The following TRMT11 variants were observed in gnomAD, a reference collection of about 807,000 sequenced individuals.
TRMT11 encodes tRNA (guanine(10)-N(2))-methyltransferase TRMT11.
In TRMT11, 53 loss-of-function variants were observed where a neutral mutation model predicts 62.8. The ratio of observed to expected loss-of-function variants is 0.84; its 90% CI spans 0.68 to 1.06. The LOEUF (loss-of-function observed/expected upper bound fraction) is 1.06, where lower values mean the gene tolerates loss of function less well. Ranked by LOEUF, TRMT11 falls within the 50% of genes least tolerant of loss-of-function variation. The pLI, the probability that TRMT11 is intolerant of heterozygous loss-of-function variation, is 0.00. For synonymous variants in TRMT11, 188 were observed against 190.3 expected, an observed-to-expected ratio of 0.99 and a Z score of 0.10; for missense variants, 556 against 553.4, an observed-to-expected ratio of 1.00 and a Z score of -0.05.
intron 1 of TRMT11, among the ~76,000 whole-genome samples, chr6:126,181,182 T>G (rs553528333): frequency 1.3e-5 from 2 of 152,310 alleles, no homozygotes; most frequent in Admixed American, 1.3e-4. Flanking sequence ...GCTGTGAGGT[T>G]AAGAATAGAA....
chr6:126,229,798 C>T, the TRMT11 span, among the ~76,000 whole-genome samples: 14 of 152,252 alleles, frequency 9.2e-5, no homozygotes, highest in South Asian at 2.9e-3. Flanking sequence ...GTAAGTTTAA[C>T]CTTCAATCCT....
intron 21 of TRMT11, among the ~76,000 whole-genome samples, chr6:126,137,981 G>A (rs921477815): frequency 2.5e-4 from 38 of 151,966 alleles, no homozygotes; most frequent in Middle Eastern, 3.4e-3. Flanking sequence ...GGTGGAAGAG[G>A]ATAAAGTTGG....
intron 21 of TRMT11, among the ~76,000 whole-genome samples, chr6:126,166,007 G>T (rs1023157728): frequency 2.0e-5 from 3 of 151,812 alleles, no homozygotes; most frequent in African/African-American, 4.8e-5. Flanking sequence ...CTCTAATCTT[G>T]TCTTCATGCT....
At chr6:126,173,330 G>A (rs537063841), upstream of TRMT11, among the ~76,000 whole-genome samples, 111 of 152,226 alleles carry the variant, frequency 7.3e-4, no homozygotes, top group African/African-American at 2.4e-3. Context: ...CATTCTCCCC[G>A]TTTCCACCTT....
chr6:126,013,086 C>T lies in TRMT11; in HGVS notation c.1124C>T (p.Pro375Leu), dbSNP rs368895185. Residue 375 changes from proline (P) to leucine (L), a missense_variant, in exon 11 of 13, where the codon CCG becomes CTG. Transcript: ENST00000334379. Reference sequence around the variant, plus strand: ...GGTGGAAGACTAGTCTATTGGTTACCGGTGTATACGCCAGAGTATGTAATC... The same window carrying T: ...GGTGGAAGACTAGTCTATTGGTTACTGGTGTATACGCCAGAGTATGTAATC... Reference protein sequence around the residue: ...VLGGRLVYWLPVYTPEYTEEM... With the variant: ...VLGGRLVYWLLVYTPEYTEEM... The T allele has an allele frequency of 1.9e-5, 30 of 1,613,156 alleles. No homozygotes were observed. The highest frequency in any genetic ancestry group is 3.3e-4 in the Middle Eastern group (2 of 6,058).
intron 21 of TRMT11, among the ~76,000 whole-genome samples, chr6:126,158,513 G>A (rs1778147685): frequency 6.6e-6 from 1 of 152,188 alleles, no homozygotes; most frequent in Admixed American, 6.5e-5. Flanking sequence ...AATTGTTGAT[G>A]TTTAGTGTCT....
intron 7 of TRMT11, among the ~76,000 whole-genome samples, chr6:126,006,262 A>G (rs1475848277): frequency 2.0e-5 from 3 of 152,020 alleles, no homozygotes; most frequent in African/African-American, 7.2e-5. Flanking sequence ...AAAAAAGATA[A>G]AATAGATGCA....
chr6:126,189,578 G>A (rs191398252), intron 1 of TRMT11, among the ~76,000 whole-genome samples: 39 of 152,212 alleles, frequency 2.6e-4, no homozygotes, highest in African/African-American at 9.4e-4. Flanking sequence ...TAAGGAAAAT[G>A]GAGCACCTCA....
intron 17 of TRMT11, among the ~76,000 whole-genome samples, chr6:126,091,203 C>CAA (rs34621211): frequency 7.6e-5 from 10 of 132,296 alleles, no homozygotes; most frequent in Non-Finnish European, 1.3e-4. Context: ...GACTCCATCT[C>CAA]AAAAAAAAAA....
chr6:126,013,993 A>G (rs1173517126), intron 11 of TRMT11, among the ~76,000 whole-genome samples: 1 of 152,200 alleles, frequency 6.6e-6, no homozygotes, highest in Admixed American at 6.5e-5. Context: ...AATAAATCAA[A>G]AGCTAAGACC....
chr6:126,223,123 T>G, the TRMT11 span, among the ~76,000 whole-genome samples: 2 of 152,210 alleles, frequency 1.3e-5, no homozygotes, highest in African/African-American at 4.8e-5. Context: ...GGAATTTCTT[T>G]TCTTTAAGAA....
chr6:126,132,640 C>T (rs1030500698), intron 21 of TRMT11, among the ~76,000 whole-genome samples: 2 of 151,928 alleles, frequency 1.3e-5, no homozygotes, highest in Non-Finnish European at 2.9e-5. Flanking sequence ...TATGCCATTC[C>T]GTCTATTTGA....
the TRMT11 span, among the ~76,000 whole-genome samples, chr6:126,251,515 C>T: frequency 6.6e-6 from 1 of 151,998 alleles, no homozygotes; most frequent in Non-Finnish European, 1.5e-5. Context: ...TTGAAGTATA[C>T]AATACATTGT....
the TRMT11 span, among the ~76,000 whole-genome samples, chr6:126,263,058 C>T: frequency 3.3e-5 from 5 of 152,006 alleles, no homozygotes; most frequent in African/African-American, 1.2e-4. Flanking sequence ...TTACCCTCTT[C>T]CTATTCTCTT....
chr6:126,205,230 T>G (rs1778778270), downstream of TRMT11, among the ~76,000 whole-genome samples: 3 of 152,144 alleles, frequency 2.0e-5, no homozygotes, highest in South Asian at 6.2e-4. Context: ...TAAGGCCAGG[T>G]GCAGTGGCTC....
At chr6:126,191,464 C>CTTGTTTTTTT (rs1778598703) in intron 1 of TRMT11, among the ~76,000 whole-genome samples, 2 of 102,380 alleles carry the variant, frequency 2.0e-5, no homozygotes, top group Admixed American at 9.8e-5. Flanking sequence ...TCCTACTTGT[C>CTTGTTTTTTT]TTTTTTTTTT....
chr6:126,189,550 A>G (rs1437349292), intron 1 of TRMT11, among the ~76,000 whole-genome samples: 1 of 152,120 alleles, frequency 6.6e-6, no homozygotes, highest in Non-Finnish European at 1.5e-5. Context: ...ATTGTTACTT[A>G]ATTCCTTCCC....
At chr6:126,007,357 C>T (rs768897293) in intron 7 of TRMT11, among the ~76,000 whole-genome samples, 6 of 151,948 alleles carry the variant, frequency 3.9e-5, no homozygotes, top group Non-Finnish European at 7.4e-5. Flanking sequence ...ACAGAGATTA[C>T]ATCTCAAAAG....
intron 21 of TRMT11, among the ~76,000 whole-genome samples, chr6:126,148,547 C>T (rs1778001256): frequency 6.6e-6 from 1 of 152,144 alleles, no homozygotes; most frequent in Non-Finnish European, 1.5e-5. Flanking sequence ...GTCTCCACCA[C>T]ATATTAGCTG....
Sources: allele counts gnomAD v4.1 joint callset (sites outside exome capture counted in the v4.1 genomes callset), GRCh38; gene constraint gnomAD v4.1.1; transcripts MANE v1.5; gene names NCBI Gene and HGNC (gene_info 2026-07-23, HGNC 2026-07-21).